IL1RAPL1: variants seen among roughly 807,000 people sequenced by gnomAD.
IL1RAPL1 encodes interleukin-1 receptor accessory protein-like 1.
In IL1RAPL1, 3 loss-of-function variants were observed where a neutral mutation model predicts 48.4. The observed-to-expected ratio is 0.06, with a 90% CI of 0.03 to 0.16. The LOEUF is 0.16. Ranked by LOEUF, IL1RAPL1 falls within the 10% of genes least tolerant of loss-of-function variation. The probability of loss-of-function intolerance (pLI) is 1.00; values close to 1 mark genes in which losing one functional copy is unlikely to be tolerated. For missense variants in IL1RAPL1, 349 were observed against 530.6 expected (o/e 0.66, Z 3.36); for synonymous variants, 185 against 187.7 (o/e 0.99, Z 0.12).
chrX:28,731,242 C>T (rs1935751686), intron 1 of IL1RAPL1, among the ~76,000 whole-genome samples: 1 of 110,836 alleles, frequency 9.0e-6, no homozygotes, highest in Non-Finnish European at 1.9e-5. Context: ...AAAAAAACAT[C>T]CTAAGGGAAG....
chrX:28,694,960 C>G (rs1200776236), intron 1 of IL1RAPL1, among the ~76,000 whole-genome samples: 1 of 110,769 alleles, frequency 9.0e-6, no homozygotes, highest in African/African-American at 3.3e-5. Flanking sequence ...TCTGCTCATT[C>G]CTGTTAATTT....
chrX:29,745,503 A>G (rs1363589866), intron 6 of IL1RAPL1, among the ~76,000 whole-genome samples: 2 of 83,520 alleles, frequency 2.4e-5, no homozygotes, highest in Non-Finnish European at 4.3e-5. Context: ...CTGGAGTGCA[A>G]TGGTGCGGTC....
intron 2 of IL1RAPL1, among the ~76,000 whole-genome samples, chrX:29,103,377 C>A (rs1928384428): frequency 9.0e-6 from 1 of 111,629 alleles, no homozygotes. Flanking sequence ...GAGTAAAAAA[C>A]CATCTCTTCA....
intron 2 of IL1RAPL1, among the ~76,000 whole-genome samples, chrX:29,041,867 A>C (rs1479194616): frequency 1.8e-5 from 2 of 112,122 alleles, no homozygotes; most frequent in Non-Finnish European, 3.8e-5. Flanking sequence ...AAAGTAGATA[A>C]TAATATCCTC....
chrX:29,564,910 C>A (rs1007006628), intron 5 of IL1RAPL1, among the ~76,000 whole-genome samples: 1 of 112,112 alleles, frequency 8.9e-6, no homozygotes, highest in South Asian at 3.7e-4. Flanking sequence ...GCAGGAAACA[C>A]GTTTCTTTGC....
chrX:29,219,796 A>G (rs1025839010), intron 2 of IL1RAPL1, among the ~76,000 whole-genome samples: 4 of 111,197 alleles, frequency 3.6e-5, no homozygotes, highest in Non-Finnish European at 5.7e-5. Context: ...GCTTTAGTCA[A>G]TCACTCCAGC....
intron 2 of IL1RAPL1, among the ~76,000 whole-genome samples, chrX:28,950,012 C>A (rs1924411084): frequency 9.1e-6 from 1 of 109,835 alleles, no homozygotes; most frequent in Admixed American, 9.8e-5. Context: ...GAAATCCTTG[C>A]CCATGCCTAT....
intron 3 of IL1RAPL1, among the ~76,000 whole-genome samples, chrX:29,352,539 T>G (rs754479052): frequency 5.9e-4 from 66 of 111,120 alleles, no homozygotes; most frequent in Middle Eastern, 9.2e-3. Context: ...GTTTCATTAT[T>G]TTTCCTGAGG....
intron 6 of IL1RAPL1, among the ~76,000 whole-genome samples, chrX:29,748,115 A>G (rs1287938366): frequency 3.6e-5 from 4 of 111,971 alleles, no homozygotes; most frequent in Non-Finnish European, 7.5e-5. Flanking sequence ...ATTACATGCC[A>G]TTAGTTTCAC....
intron 5 of IL1RAPL1, among the ~76,000 whole-genome samples, chrX:29,434,132 ATT>A (rs1364893891): frequency 9.1e-6 from 1 of 110,186 alleles, no homozygotes; most frequent in African/African-American, 3.3e-5. Context: ...TCCAGTTTTT[ATT>A]TATCATAAAT....
At chrX:29,537,219 C>T (rs946990728) in intron 5 of IL1RAPL1, among the ~76,000 whole-genome samples, 6 of 110,781 alleles carry the variant, frequency 5.4e-5, no homozygotes, top group Admixed American at 1.9e-4. Flanking sequence ...TATGCAGAAA[C>T]ACTGAATATT....
chrX:29,494,891 T>G (rs1210354599), intron 5 of IL1RAPL1, among the ~76,000 whole-genome samples: 2 of 112,543 alleles, frequency 1.8e-5, no homozygotes. Context: ...CATTTAATTT[T>G]GCTTGTGTCT....
chrX:28,966,185 A>G (rs1419715239), intron 2 of IL1RAPL1, among the ~76,000 whole-genome samples: 1 of 111,961 alleles, frequency 8.9e-6, no homozygotes, highest in South Asian at 3.6e-4. Context: ...ATAATTGCCA[A>G]ATTATGTTTC....
intron 2 of IL1RAPL1, among the ~76,000 whole-genome samples, chrX:29,219,464 T>G (rs1216417444): frequency 1.8e-5 from 2 of 111,012 alleles, no homozygotes; most frequent in African/African-American, 6.5e-5. Context: ...GAAGGATAAA[T>G]TATTATAGTA....
At chrX:29,362,331 CA>C (rs988584825) in intron 3 of IL1RAPL1, among the ~76,000 whole-genome samples, 1 of 111,843 alleles carries the variant, frequency 8.9e-6, no homozygotes, top group Admixed American at 9.5e-5. Flanking sequence ...AATAGGTGCT[CA>C]ATAAATATTT....
chrX:29,109,393 C>G (rs1221470730), intron 2 of IL1RAPL1, among the ~76,000 whole-genome samples: 1 of 107,482 alleles, frequency 9.3e-6, no homozygotes, highest in East Asian at 2.9e-4. Flanking sequence ...CATCCAAACA[C>G]TTGTTTTTTC....
chrX:29,458,964 C>A (rs1483585955), intron 5 of IL1RAPL1, among the ~76,000 whole-genome samples: 1 of 111,998 alleles, frequency 8.9e-6, no homozygotes, highest in African/African-American at 3.2e-5. Flanking sequence ...CACAGTCATG[C>A]TTTGTAGCTT....
chrX:29,681,061 C>T (rs966391540), intron 6 of IL1RAPL1, among the ~76,000 whole-genome samples: 8 of 112,417 alleles, frequency 7.1e-5, no homozygotes, highest in Middle Eastern at 4.7e-3. Context: ...AGATGTAATG[C>T]TATAAAGGAG....
At chrX:28,752,259 CA>C (rs1331400574) in intron 1 of IL1RAPL1, among the ~76,000 whole-genome samples, 2 of 111,557 alleles carry the variant, frequency 1.8e-5, no homozygotes, top group African/African-American at 6.5e-5. Flanking sequence ...GAAGCATAAG[CA>C]AAGATTCTTC....
Sources: allele counts gnomAD v4.1 joint callset (sites outside exome capture counted in the v4.1 genomes callset), GRCh38; gene constraint gnomAD v4.1.1; transcripts MANE v1.5; gene names NCBI Gene and HGNC (gene_info 2026-07-23, HGNC 2026-07-21).